THAP10: variants seen among roughly 807,000 people sequenced by gnomAD.
THAP10 encodes THAP domain containing 10.
THAP10 carries 10 observed loss-of-function variants against 15.7 expected under a neutral mutation model. That is an observed-to-expected ratio of 0.64 (90% CI 0.39 to 1.08). The LOEUF is 1.08. THAP10 is among the 50% of genes least tolerant of loss of function. The pLI is 0.01. For synonymous variants in THAP10, 127 were observed against 129.1 expected (o/e 0.98, Z 0.11); for missense variants, 310 against 330.9 (o/e 0.94, Z 0.49).
intron 1 of THAP10, among the ~76,000 whole-genome samples, chr15:70,888,928 A>C (rs1179643087): frequency 1.3e-5 from 2 of 152,228 alleles, no homozygotes; most frequent in Non-Finnish European, 2.9e-5. Context: ...AAATGGACTC[A>C]GATGTGAAAG....
At chr15:70,882,974 T>C (rs1434475255) in intron 1 of THAP10, 66 bp from the exon 2 acceptor site, 18 of 1,544,880 alleles carry the variant, frequency 1.2e-5, no homozygotes, top group Non-Finnish European at 1.5e-5. Flanking sequence ...CTTTCAAAAG[T>C]TACAAGTAGT....
At chr15:70,883,804 G>T (rs544536772) in intron 1 of THAP10, among the ~76,000 whole-genome samples, 1 of 151,866 alleles carries the variant, frequency 6.6e-6, no homozygotes, top group South Asian at 2.1e-4. Context: ...ACAGGTGCCT[G>T]CCACCATGCC....
chr15:70,891,698 A>G (rs565237313), intron 1 of THAP10, 146 bp downstream of exon 1: 46 of 686,120 alleles, frequency 6.7e-5, no homozygotes, highest in African/African-American at 6.7e-4. Context: ...GGGACCTTGG[A>G]GATCACCTCT....
chr15:70,889,129 T>C (rs2033485401), intron 1 of THAP10, among the ~76,000 whole-genome samples: 1 of 152,136 alleles, frequency 6.6e-6, no homozygotes, highest in African/African-American at 2.4e-5. Context: ...CCAAAACACA[T>C]ATACAAGAGT....
intron 1 of THAP10, among the ~76,000 whole-genome samples, chr15:70,889,638 G>A (rs1317345727): frequency 6.6e-6 from 1 of 152,142 alleles, no homozygotes; most frequent in Non-Finnish European, 1.5e-5. Flanking sequence ...CAATAAATAA[G>A]CCCCTTTCTT....
chr15:70,890,182 T>A (rs567166894), intron 1 of THAP10, among the ~76,000 whole-genome samples: 2 of 152,306 alleles, frequency 1.3e-5, no homozygotes, highest in Admixed American at 6.5e-5. Context: ...GGTTGTGTAA[T>A]TATGAAGAAG....
chr15:70,886,987 G>C (rs541478536), intron 1 of THAP10, among the ~76,000 whole-genome samples: 1 of 152,156 alleles, frequency 6.6e-6, no homozygotes, highest in Non-Finnish European at 1.5e-5. Context: ...TGAAGGTTTT[G>C]TGTCAATACA....
intron 1 of THAP10, 127 bp downstream of exon 1, chr15:70,891,717 C>T: frequency 1.2e-6 from 1 of 830,490 alleles, no homozygotes; most frequent in East Asian, 2.7e-5. Context: ...CTAAAGCACA[C>T]CCCTAACTTT....
intron 1 of THAP10, among the ~76,000 whole-genome samples, chr15:70,884,004 A>C (rs920184893): frequency 9.2e-5 from 14 of 152,254 alleles, no homozygotes; most frequent in Non-Finnish European, 1.8e-4. Context: ...GGTAGAAAGA[A>C]GGAGGGTTTT....
At chr15:70,883,022 T>C in intron 1 of THAP10, 114 bp from the exon 2 acceptor site, 1 of 981,220 alleles carries the variant, frequency 1.0e-6, no homozygotes. Context: ...CACATATTAG[T>C]AAGGCTGATA....
chr15:70,889,786 G>A (rs1035453293), intron 1 of THAP10, among the ~76,000 whole-genome samples: 3 of 152,056 alleles, frequency 2.0e-5, no homozygotes, highest in Non-Finnish European at 4.4e-5. Flanking sequence ...CAGAATCACT[G>A]GAAATCTGAT....
At chr15:70,882,956 G>A (rs528727130) in intron 1 of THAP10, 48 bp from the exon 2 acceptor site, 1 of 1,594,670 alleles carries the variant, frequency 6.3e-7, no homozygotes. Context: ...TACCTTATAG[G>A]ATTTTATCTT....
chr15:70,891,466 C>G (rs2033559672), intron 1 of THAP10, among the ~76,000 whole-genome samples: 1 of 152,130 alleles, frequency 6.6e-6, no homozygotes, highest in African/African-American at 2.4e-5. Flanking sequence ...AACACAGTTT[C>G]AAGCACTCCA....
At position 70,882,579 on chromosome 15, in the gene THAP10, A is replaced by C. The variant is rs1443613179; in HGVS notation, c.649T>G (p.Ser217Ala). 6.2e-7 allele frequency: 1 copy of C among 1,613,822 alleles called. No homozygotes were observed. Among genetic ancestry groups the C allele is most frequent in the Non-Finnish European group, 8.5e-7 (1 of 1,179,730 alleles). ...ATGTCAAAGAGAGAGGAAGTTCTAG[A>C]CCACAATTCCTCTGTCTGAGTAGTT... is the stretch of plus-strand genomic sequence containing the variant. Reference protein sequence around the residue: ...NATTQTEELWSRTSSLFDIYS... With the variant: ...NATTQTEELWARTSSLFDIYS... Residue 217 changes from serine to alanine, a missense_variant, in exon 3 of 3, where the codon TCT becomes GCT. Ser to Ala is a moderately conservative substitution (Grantham distance 99, BLOSUM62 1). Transcript: ENST00000249861.
intron 1 of THAP10, among the ~76,000 whole-genome samples, chr15:70,886,694 C>T (rs1430103010): frequency 1.3e-5 from 2 of 151,832 alleles, no homozygotes; most frequent in Non-Finnish European, 2.9e-5. Flanking sequence ...GGTGAAACCC[C>T]ATCACTACTA....
chr15:70,883,036 G>T, intron 1 of THAP10, 128 bp from the exon 2 acceptor site: 1 of 835,494 alleles, frequency 1.2e-6, no homozygotes, highest in Non-Finnish European at 1.8e-6. Context: ...GCTGATATTT[G>T]AACCTAGGCA....
intron 1 of THAP10, among the ~76,000 whole-genome samples, chr15:70,890,161 AT>A (rs905788069): frequency 6.6e-6 from 1 of 152,110 alleles, no homozygotes; most frequent in Non-Finnish European, 1.5e-5. Context: ...TCTTCTCCCA[AT>A]TTTTGATTAG....
rs1290681264 is a variant in THAP10, at chr15:70,881,561, T to G, written c.*893A>C. The G allele has an allele frequency of 6.6e-6, 1 of 152,218 alleles. No individual in the cohort carries two copies. Among genetic ancestry groups the G allele is most frequent in the African/African-American group, 2.4e-5 (1 of 41,466 alleles). The allele number at this position is 152,218 out of a possible 1,614,324, so 9.4% of individuals were successfully genotyped here. A position where few individuals can be genotyped will look rare whatever the true frequency, so the allele number is the denominator to read the frequency against. ...ATAGTATGCTTCTCAGAAACTATTGTAACAGTTTACTTCATGGTACAAAAT... is the reference window on the plus strand; with the variant it reads ...ATAGTATGCTTCTCAGAAACTATTGGAACAGTTTACTTCATGGTACAAAAT... On this transcript the variant is annotated 3_prime_UTR_variant, in exon 3 of 3. Transcript: ENST00000249861.
chr15:70,891,720 C>G, intron 1 of THAP10, 124 bp downstream of exon 1: 1 of 883,574 alleles, frequency 1.1e-6, no homozygotes, highest in Non-Finnish European at 1.7e-6. Flanking sequence ...AAGCACACCC[C>G]TAACTTTGCA....
Sources: gnomAD v4.1 joint callset for allele counts (sites outside exome capture counted in the v4.1 genomes callset) on GRCh38, gnomAD v4.1.1 for gene constraint, MANE v1.5 for transcripts, NCBI Gene and HGNC (gene_info 2026-07-23, HGNC 2026-07-21) for gene names.